Variants in ATP6V0A4 observed in about 807,000 individuals in gnomAD.
The protein encoded by ATP6V0A4 is ATPase H+ transporting V0 subunit a4.
In ATP6V0A4, 86 loss-of-function variants were observed where a neutral mutation model predicts 107.3. The observed-to-expected ratio is 0.80, with a 90% confidence interval of 0.67 to 0.96. The LOEUF is 0.96. Among genes scored for constraint, ATP6V0A4 ranks in the 40% least tolerant of loss-of-function variants. The pLI is 0.00. For missense variants in ATP6V0A4, 908 were observed against 1,045.6 expected (o/e 0.87, Z 1.81); for synonymous variants, 353 against 381.4 (o/e 0.93, Z 0.87).
chr7:138,727,096 T>C (rs925544640), intron 18 of ATP6V0A4, among the ~76,000 whole-genome samples: 4 of 121,884 alleles, frequency 3.3e-5, no homozygotes, highest in African/African-American at 1.3e-4. Flanking sequence ...CTGGGCAGCA[T>C]AGTGAGAGCT....
intron 19 of ATP6V0A4, among the ~76,000 whole-genome samples, chr7:138,719,916 T>C (rs1804347280): frequency 1.3e-5 from 2 of 151,724 alleles, no homozygotes; most frequent in Admixed American, 1.3e-4. Context: ...TCCCAGCTAC[T>C]CGGGAGGCTG....
At chr7:138,722,879 C>T (rs959677563) in intron 18 of ATP6V0A4, among the ~76,000 whole-genome samples, 2 of 149,728 alleles carry the variant, frequency 1.3e-5, no homozygotes, top group Admixed American at 1.3e-4. Context: ...GTCAACATAG[C>T]GAGATTCCAT....
At chr7:138,763,893 G>A (rs1478514972) in intron 5 of ATP6V0A4, among the ~76,000 whole-genome samples, 2 of 151,000 alleles carry the variant, frequency 1.3e-5, no homozygotes, top group East Asian at 1.9e-4. Context: ...CCGGGAGGCA[G>A]AGGTTACAGT....
At chr7:138,793,255 A>G (rs1304861484) in intron 1 of ATP6V0A4, among the ~76,000 whole-genome samples, 1 of 152,182 alleles carries the variant, frequency 6.6e-6, no homozygotes, top group East Asian at 1.9e-4. Context: ...AGATCGTGCC[A>G]CTGCATTCCA....
intron 17 of ATP6V0A4, among the ~76,000 whole-genome samples, chr7:138,731,650 T>C (rs1805021836): frequency 6.6e-6 from 1 of 152,110 alleles, no homozygotes; most frequent in Non-Finnish European, 1.5e-5. Context: ...CCCAGCACTT[T>C]GGGAGTCTGA....
chr7:138,730,701 T>TA (rs1321826835), intron 17 of ATP6V0A4, among the ~76,000 whole-genome samples: 1 of 152,140 alleles, frequency 6.6e-6, no homozygotes, highest in African/African-American at 2.4e-5. Context: ...TTCTCTGCCT[T>TA]AAAACAGAAG....
chr7:138,758,844 G>C (rs1287512428), intron 8 of ATP6V0A4, among the ~76,000 whole-genome samples: 1 of 136,768 alleles, frequency 7.3e-6, no homozygotes, highest in East Asian at 2.3e-4. Flanking sequence ...TCCGCCTCTT[G>C]GGTACCAGTG....
chr7:138,778,667 A>G (rs36074273), intron 2 of ATP6V0A4, among the ~76,000 whole-genome samples: 73,627 of 151,816 alleles, frequency 0.48, 19,136 homozygotes, highest in East Asian at 0.61. Context: ...GACAATAATC[A>G]CGCGAATCCA....
chr7:138,797,925 C>G, intron 1 of ATP6V0A4, 109 bp downstream of exon 1: 1 of 1,485,894 alleles, frequency 6.7e-7, no homozygotes, highest in Non-Finnish European at 9.1e-7. Flanking sequence ...GAAGGTGTGA[C>G]AGGCCAAGTT....
Position 138,774,639 on chromosome 7 carries a change from T to TATTATATATTATATATTATATAC in ATP6V0A4, c.-17-3376_-17-3375insGTATATAATATATAATATATAAT, listed in dbSNP as rs1807565390. On this transcript the variant is annotated intron_variant, in intron 2 of 21. Coordinates refer to ENST00000310018, the MANE Select transcript of ATP6V0A4 (RefSeq NM_020632.3). Reference sequence around the variant, plus strand: ...TATAATATATTATATACATTATATATATTATATACATTATATATTATATAT... The same window carrying TATTATATATTATATATTATATAC: ...TATAATATATTATATACATTATATATATTATATATTATATATTATATACATTATATACATTATATATTATATAT... Among the ~76,000 whole-genome samples the TATTATATATTATATATTATATAC allele has an allele frequency of 6.5e-5, 9 of 137,620 alleles. 1 individual carries two copies. Among genetic ancestry groups the TATTATATATTATATATTATATAC allele is most frequent in the African/African-American group, 2.1e-4 (8 of 37,854 alleles). The allele number at this position is 137,620 out of a possible 152,430, so 90.3% of individuals were successfully genotyped here. A position where few individuals can be genotyped will look rare whatever the true frequency, so the allele number is the denominator to read the frequency against.
intron 19 of ATP6V0A4, among the ~76,000 whole-genome samples, chr7:138,718,796 A>T (rs892258136): frequency 6.6e-6 from 1 of 151,978 alleles, no homozygotes; most frequent in Non-Finnish European, 1.5e-5. Context: ...TCAATTTAGC[A>T]ATGAAAGCAG....
At chr7:138,727,939 GTAT>G (rs1476322248) in intron 18 of ATP6V0A4, among the ~76,000 whole-genome samples, 1 of 152,126 alleles carries the variant, frequency 6.6e-6, no homozygotes, top group Non-Finnish European at 1.5e-5. Context: ...GCTGAACCTG[GTAT>G]TTGGCAACAG....
chr7:138,723,140 A>G (rs902704227), intron 18 of ATP6V0A4, among the ~76,000 whole-genome samples: 1 of 152,084 alleles, frequency 6.6e-6, no homozygotes, highest in Non-Finnish European at 1.5e-5. Context: ...ATTCAAACTC[A>G]GTTGCCTGAC....
chr7:138,722,143 C>T, intron 18 of ATP6V0A4, 118 bp from the exon 19 acceptor site: 1 of 1,496,448 alleles, frequency 6.7e-7, no homozygotes, highest in African/African-American at 1.4e-5. Context: ...CTGTTCTAAA[C>T]ACTACACTAT....
chr7:138,731,705 CA>C (rs1359678165), intron 17 of ATP6V0A4, among the ~76,000 whole-genome samples: 1 of 151,900 alleles, frequency 6.6e-6, no homozygotes, highest in Non-Finnish European at 1.5e-5. Flanking sequence ...CCAGCCTGAC[CA>C]ACATGGTGAA....
rs745537081 is a variant in ATP6V0A4, at chr7:138,732,924, G to A, written c.1861C>T (p.Leu621=). 6.2e-7 allele frequency: 1 copy of A among 1,613,432 alleles called. No homozygotes were observed. Among genetic ancestry groups the A allele is most frequent in the Admixed American group, 1.7e-5 (1 of 59,958 alleles). ...SILIHFINMF[L]FNYSDSSNAP... ...TTGGAAGAGTCACTGTAGTTAAACA[G>A]AAACATGTTGATGAAGTGGATGAGG... Residue 621 remains leucine (L), a synonymous_variant, in exon 17 of 22, where the codon CTG becomes TTG. Coordinates refer to ENST00000310018, the MANE Select transcript of ATP6V0A4 (RefSeq NM_020632.3).
At chr7:138,734,614 AC>A (rs1188500212) in intron 15 of ATP6V0A4, among the ~76,000 whole-genome samples, 1 of 151,874 alleles carries the variant, frequency 6.6e-6, no homozygotes, top group Non-Finnish European at 1.5e-5. Flanking sequence ...CTGTCTCTAC[AC>A]CAAAATACAA....
chr7:138,767,444 G>T (rs192669540), intron 5 of ATP6V0A4, among the ~76,000 whole-genome samples: 1 of 152,110 alleles, frequency 6.6e-6, no homozygotes, highest in Admixed American at 6.6e-5. Flanking sequence ...AATCGCTTGA[G>T]CCTGGGAGGC....
At chr7:138,736,706 G>T (rs975049164) in intron 15 of ATP6V0A4, among the ~76,000 whole-genome samples, 12 of 151,930 alleles carry the variant, frequency 7.9e-5, no homozygotes, top group Non-Finnish European at 1.8e-4. Flanking sequence ...CAAGTAGCTG[G>T]GATTACAGGC....
Sources: gnomAD v4.1 joint callset for allele counts (sites outside exome capture counted in the v4.1 genomes callset) on GRCh38, gnomAD v4.1.1 for gene constraint, MANE v1.5 for transcripts, NCBI Gene and HGNC (gene_info 2026-07-23, HGNC 2026-07-21) for gene names.